ATE1: variants seen among roughly 807,000 people sequenced by gnomAD.
ATE1 encodes the protein arginyltransferase 1.
A neutral mutation model predicts 70.5 loss-of-function variants in ATE1; 36 were observed. The observed-to-expected ratio is 0.51, with a 90% CI of 0.39 to 0.67. ATE1 has a LOEUF of 0.67. Among genes scored for constraint, ATE1 ranks in the 30% least tolerant of loss-of-function variants. ATE1 has a pLI of 0.00. For missense variants in ATE1, 593 were observed against 629.5 expected (o/e 0.94, Z 0.62); for synonymous variants, 232 against 219.3 (o/e 1.06, Z -0.51).
At chr10:121,927,051 TA>T (rs1205800583) in intron 1 of ATE1, 1 of 985,358 alleles carries the variant, frequency 1.0e-6, no homozygotes, top group Non-Finnish European at 1.2e-6. Flanking sequence ...TCCACAAAGC[TA>T]GACTGTTCTA....
At chr10:121,814,150 C>T (rs920583564) in intron 10 of ATE1, among the ~76,000 whole-genome samples, 1 of 152,096 alleles carries the variant, frequency 6.6e-6, no homozygotes, top group East Asian at 1.9e-4. Context: ...ACACTATATA[C>T]ACAAATGCAC....
intron 8 of ATE1, among the ~76,000 whole-genome samples, chr10:121,862,736 C>T (rs1050140177): frequency 6.6e-6 from 1 of 151,570 alleles, no homozygotes; most frequent in African/African-American, 2.4e-5. Context: ...ACTTATTTGC[C>T]GGTCCCAACA....
In ATE1 at chr10:121,743,828, C is replaced by T. The variant is rs757737187; in HGVS notation, c.1409G>A (p.Arg470Gln). Residue 470 changes from arginine (R) to glutamine (Q), a missense_variant, in exon 12 of 12, where the codon CGA becomes CAA. Arg to Gln is a conservative substitution (Grantham distance 43, BLOSUM62 1). Coordinates refer to ENST00000224652, the MANE Select transcript of ATE1 (RefSeq NM_001001976.3). ...GGCTCTCTTGTGAAACACCTGCAAT[C>T]GGTCAGGTTCCGTACTGCGATCCTC... ...VDEDRSTEPD[R>Q]LQVFHKRAIM... is the part of the protein sequence containing the mutation. 7.4e-6 allele frequency: 12 copies of T among 1,612,894 alleles called. No individual in the cohort carries two copies. In the South Asian group the frequency reaches 7.7e-5, roughly 10 times the overall value.
chr10:121,902,379 C>T lies in ATE1; in HGVS notation c.813+12G>A. On this transcript the variant is annotated intron_variant, in intron 6 of 11. Coordinates refer to ENST00000224652, the MANE Select transcript of ATE1 (RefSeq NM_001001976.3). ...TCATAATAAAACAAACAACAAAAGT[C>T]CTCCAAAGTACCTCTAACTTGTGTG... 2.5e-6 allele frequency: 4 copies of T among 1,598,316 alleles called. No homozygotes were observed. The highest frequency in any genetic ancestry group is 3.4e-6 in the Non-Finnish European group (4 of 1,171,242).
At chr10:121,905,300 T>A (rs897522035) in intron 5 of ATE1, among the ~76,000 whole-genome samples, 2 of 152,232 alleles carry the variant, frequency 1.3e-5, no homozygotes, top group African/African-American at 4.8e-5. Context: ...TTTACCTATA[T>A]AAACATTCCA....
At chr10:121,908,516 T>C (rs11200245) in intron 5 of ATE1, among the ~76,000 whole-genome samples, 45,854 of 151,994 alleles carry the variant, frequency 0.3, 7,300 homozygotes, top group South Asian at 0.43. Flanking sequence ...AAAAAGAACA[T>C]ATCCTGCCTT....
intron 5 of ATE1, among the ~76,000 whole-genome samples, chr10:121,908,988 G>A (rs1951314100): frequency 6.6e-6 from 1 of 152,160 alleles, no homozygotes. Context: ...GAACAAAAGA[G>A]ATTGTTGTTG....
intron 10 of ATE1, among the ~76,000 whole-genome samples, chr10:121,817,942 C>T (rs140978757): frequency 6.6e-6 from 1 of 152,142 alleles, no homozygotes; most frequent in Non-Finnish European, 1.5e-5. Flanking sequence ...AATTTTACAA[C>T]TAAAATTTGA....
chr10:121,814,146 T>G (rs921089627), intron 10 of ATE1, among the ~76,000 whole-genome samples: 5 of 152,200 alleles, frequency 3.3e-5, no homozygotes, highest in Admixed American at 1.3e-4. Flanking sequence ...ACATACACTA[T>G]ATACACAAAT....
At chr10:121,785,980 C>A (rs1297059893) in intron 11 of ATE1, among the ~76,000 whole-genome samples, 1 of 151,578 alleles carries the variant, frequency 6.6e-6, no homozygotes, top group African/African-American at 2.4e-5. Flanking sequence ...TTCTTAGTAG[C>A]CCCCTTGAAA....
At chr10:121,867,639 A>G (rs1408557986) in intron 8 of ATE1, among the ~76,000 whole-genome samples, 1 of 152,158 alleles carries the variant, frequency 6.6e-6, no homozygotes, top group Non-Finnish European at 1.5e-5. Flanking sequence ...CCTTTACTGG[A>G]AGAGTAAAGG....
intron 7 of ATE1, among the ~76,000 whole-genome samples, chr10:121,897,830 A>G (rs1320605436): frequency 1.3e-5 from 2 of 151,652 alleles, no homozygotes; most frequent in Non-Finnish European, 2.9e-5. Context: ...GTCTCAAAAA[A>G]AAAAAAAAAA....
chr10:121,806,821 A>G (rs963992633), intron 10 of ATE1, among the ~76,000 whole-genome samples: 4 of 152,218 alleles, frequency 2.6e-5, no homozygotes, highest in African/African-American at 9.6e-5. Context: ...ACTTCAGGTG[A>G]ACGTACACGG....
At chr10:121,862,663 C>T (rs939764024) in intron 8 of ATE1, among the ~76,000 whole-genome samples, 4 of 146,344 alleles carry the variant, frequency 2.7e-5, no homozygotes, top group African/African-American at 1.0e-4. Flanking sequence ...CATGAGCTAA[C>T]GCGCCAGGCC....
intron 10 of ATE1, among the ~76,000 whole-genome samples, chr10:121,802,030 G>A (rs1054943403): frequency 3.3e-5 from 5 of 151,960 alleles, no homozygotes; most frequent in Admixed American, 2.6e-4. Flanking sequence ...GCTCTTAAAT[G>A]AGTCTGGATA....
At chr10:121,894,354 G>A (rs531981928) in intron 7 of ATE1, among the ~76,000 whole-genome samples, 2 of 152,046 alleles carry the variant, frequency 1.3e-5, no homozygotes, top group Non-Finnish European at 2.9e-5. Context: ...GTCTAAAAGA[G>A]GCACACTTTA....
intron 3 of ATE1, among the ~76,000 whole-genome samples, chr10:121,919,783 G>A (rs922844160): frequency 6.6e-5 from 10 of 151,464 alleles, no homozygotes; most frequent in African/African-American, 1.5e-4. Flanking sequence ...CTGTAGTCCC[G>A]GATACTCAGG....
intron 10 of ATE1, 46 bp from the exon 11 acceptor site, chr10:121,790,335 A>G: frequency 6.2e-7 from 1 of 1,601,210 alleles, no homozygotes; most frequent in Non-Finnish European, 8.5e-7. Flanking sequence ...TTAACACAGC[A>G]ATGCCAGAGA....
At chr10:121,776,578 G>GT (rs1406470656) in intron 11 of ATE1, among the ~76,000 whole-genome samples, 8 of 152,230 alleles carry the variant, frequency 5.3e-5, no homozygotes, top group African/African-American at 1.7e-4. Flanking sequence ...TTGTCAAATT[G>GT]TGAGTGGTCT....
Sources: allele counts gnomAD v4.1 joint callset (sites outside exome capture counted in the v4.1 genomes callset), GRCh38; gene constraint gnomAD v4.1.1; transcripts MANE v1.5; gene names NCBI Gene and HGNC (gene_info 2026-07-23, HGNC 2026-07-21).